The following PPARGC1A variants were observed in gnomAD, a reference collection of about 807,000 sequenced individuals.
PPARGC1A encodes the protein PPARG coactivator 1 alpha, also known as peroxisome proliferator-activated receptor gamma coactivator 1-alpha.
A neutral mutation model predicts 88.7 loss-of-function variants in PPARGC1A; 25 were observed. That is an observed-to-expected ratio of 0.28 (90% CI 0.21 to 0.39). PPARGC1A has a LOEUF of 0.39. PPARGC1A is among the 10% of genes least tolerant of loss of function. The pLI is 1.00. For missense variants in PPARGC1A, 880 were observed against 968.7 expected (o/e 0.91, Z 1.22); for synonymous variants, 363 against 355.6 (o/e 1.02, Z -0.24).
chr4:24,001,114 G>T, the PPARGC1A span, among the ~76,000 whole-genome samples: 2 of 152,046 alleles, frequency 1.3e-5, no homozygotes, highest in Non-Finnish European at 2.9e-5. Context: ...TTTCATGTTT[G>T]AACAATAGAA....
intron 2 of PPARGC1A, among the ~76,000 whole-genome samples, chr4:23,862,217 A>T (rs1443277094): frequency 3.9e-5 from 6 of 152,216 alleles, no homozygotes; most frequent in African/African-American, 1.4e-4. Flanking sequence ...ACTAAATAAT[A>T]CAAAATCTAC....
intron 1 of PPARGC1A, among the ~76,000 whole-genome samples, chr4:23,886,829 A>G (rs1716980785): frequency 6.7e-6 from 1 of 149,920 alleles, no homozygotes; most frequent in African/African-American, 2.5e-5. Context: ...TGCAAGATAC[A>G]CTAGGATTTT....
At chr4:24,001,665 G>A in the PPARGC1A span, among the ~76,000 whole-genome samples, 1 of 152,080 alleles carries the variant, frequency 6.6e-6, no homozygotes, top group Admixed American at 6.6e-5. Context: ...TCTTGTGAAG[G>A]GGCGAAGGTG....
chr4:23,800,780 G>A (rs1046290327), intron 12 of PPARGC1A, among the ~76,000 whole-genome samples: 10 of 151,626 alleles, frequency 6.6e-5, no homozygotes, highest in African/African-American at 2.2e-4. Context: ...CCTTGAGTCT[G>A]TACAGCTTTT....
At chr4:24,393,729 C>T in the PPARGC1A span, among the ~76,000 whole-genome samples, 881 of 152,324 alleles carry the variant, frequency 5.8e-3, 23 homozygotes, top group African/African-American at 0.02. Context: ...CTTGCCACGT[C>T]CTTGTGTCAT....
the PPARGC1A span, among the ~76,000 whole-genome samples, chr4:23,910,222 A>AATATATTATATATAATATAAAT: frequency 1.1e-5 from 1 of 87,856 alleles, no homozygotes; most frequent in Non-Finnish European, 2.3e-5. Flanking sequence ...TATAATATAT[A>AATATATTATATATAATATAAAT]ATATATTATA....
the PPARGC1A span, among the ~76,000 whole-genome samples, chr4:24,443,384 C>G: frequency 2.0e-5 from 3 of 151,888 alleles, no homozygotes; most frequent in Non-Finnish European, 2.9e-5. Flanking sequence ...ACCTGAACAC[C>G]AGGAAACAGC....
the PPARGC1A span, among the ~76,000 whole-genome samples, chr4:24,440,738 G>C: frequency 6.6e-6 from 1 of 152,108 alleles, no homozygotes; most frequent in Admixed American, 6.5e-5. Flanking sequence ...GGAGGTCAAA[G>C]CTGCAGTGAG....
At chr4:23,806,831 C>G (rs1387900873) in intron 10 of PPARGC1A, among the ~76,000 whole-genome samples, 3 of 152,154 alleles carry the variant, frequency 2.0e-5, no homozygotes, top group Non-Finnish European at 2.9e-5. Context: ...ATCAAATAAA[C>G]TACTCCTGAT....
At chr4:23,839,437 C>T (rs979945159) in intron 2 of PPARGC1A, among the ~76,000 whole-genome samples, 3 of 152,020 alleles carry the variant, frequency 2.0e-5, no homozygotes, top group Admixed American at 1.3e-4. Flanking sequence ...CTGAAAAGAG[C>T]GAGCAAGGCA....
chr4:24,375,516 T>C, the PPARGC1A span, among the ~76,000 whole-genome samples: 1 of 152,190 alleles, frequency 6.6e-6, no homozygotes, highest in Non-Finnish European at 1.5e-5. Flanking sequence ...GCAAGAATCA[T>C]GCTCAGATCC....
the PPARGC1A span, among the ~76,000 whole-genome samples, chr4:24,379,166 A>G: frequency 6.6e-6 from 1 of 152,206 alleles, no homozygotes; most frequent in African/African-American, 2.4e-5. Context: ...AAATTATCGC[A>G]TGTCTATATG....
At chr4:24,015,316 G>T in the PPARGC1A span, among the ~76,000 whole-genome samples, 38 of 152,152 alleles carry the variant, frequency 2.5e-4, 1 homozygote, top group African/African-American at 8.9e-4. Flanking sequence ...CATAAACGAG[G>T]TCTCTAAGTC....
intron 2 of PPARGC1A, among the ~76,000 whole-genome samples, chr4:23,837,467 C>T (rs115993997): frequency 0.016 from 2,357 of 151,626 alleles, 72 homozygotes; most frequent in African/African-American, 0.055. Context: ...TGTATATTCC[C>T]ATCAACTTGA....
At chr4:23,868,092 T>C (rs1712439114) in intron 2 of PPARGC1A, among the ~76,000 whole-genome samples, 1 of 152,140 alleles carries the variant, frequency 6.6e-6, no homozygotes, top group Non-Finnish European at 1.5e-5. Context: ...GTAAGGTACC[T>C]GTTCCTGAGC....
At chr4:24,415,301 A>G in the PPARGC1A span, among the ~76,000 whole-genome samples, 1 of 152,206 alleles carries the variant, frequency 6.6e-6, no homozygotes, top group African/African-American at 2.4e-5. Context: ...CTATCTCCAG[A>G]CTTTATTTAT....
the PPARGC1A span, among the ~76,000 whole-genome samples, chr4:24,249,268 T>G: frequency 1.6e-4 from 24 of 152,006 alleles, no homozygotes; most frequent in South Asian, 2.1e-3. Flanking sequence ...GTTGCACTCC[T>G]ACTTTTTTTT....
the PPARGC1A span, among the ~76,000 whole-genome samples, chr4:24,350,119 ACTT>A: frequency 7.2e-5 from 11 of 152,214 alleles, no homozygotes; most frequent in African/African-American, 2.6e-4. Flanking sequence ...TCCCTTTCCC[ACTT>A]CTGCAGTTGG....
the PPARGC1A span, among the ~76,000 whole-genome samples, chr4:24,023,657 AG>A: frequency 6.6e-6 from 1 of 152,222 alleles, no homozygotes; most frequent in Admixed American, 6.5e-5. Flanking sequence ...AAACTAAGAC[AG>A]GTCAATAAAA....
Sources: allele counts gnomAD v4.1 joint callset (sites outside exome capture counted in the v4.1 genomes callset), GRCh38; gene constraint gnomAD v4.1.1; transcripts MANE v1.5; gene names NCBI Gene and HGNC (gene_info 2026-07-23, HGNC 2026-07-21).